FBXL13: variants seen among roughly 807,000 people sequenced by gnomAD.
The protein encoded by FBXL13 is F-box and leucine-rich repeat protein 13.
Under a neutral mutation model 83.6 loss-of-function variants are expected in FBXL13, and 67 were observed. The observed-to-expected ratio is 0.80, with a 90% CI of 0.66 to 0.98. The LOEUF (loss-of-function observed/expected upper bound fraction) is 0.98, where lower values mean the gene tolerates loss of function less well. Ranked by LOEUF, FBXL13 falls within the 50% of genes least tolerant of loss-of-function variation. The pLI is 0.00. For synonymous variants in FBXL13, 272 were observed against 299.5 expected (o/e 0.91, Z 0.95); for missense variants, 822 against 866.5 (o/e 0.95, Z 0.64).
At chr7:103,063,762 C>T (rs1161071016) in intron 1 of FBXL13, among the ~76,000 whole-genome samples, 2 of 144,804 alleles carry the variant, frequency 1.4e-5, no homozygotes, top group Admixed American at 7.0e-5. Context: ...ACTATGTTGC[C>T]CAGGCTAGTT....
At chr7:102,934,644 A>G (rs1337447951) in intron 8 of FBXL13, 2 of 1,605,740 alleles carry the variant, frequency 1.2e-6, no homozygotes, top group South Asian at 1.1e-5. Flanking sequence ...TTTTGCCACA[A>G]TTATGTGTTT....
chr7:102,822,032 A>G lies in FBXL13; in HGVS notation c.2018+8T>C, dbSNP rs1798869866. The G allele has an allele frequency of 1.2e-6, 2 of 1,613,952 alleles. No homozygotes were observed. The highest frequency in any genetic ancestry group is 2.2e-5 in the East Asian group (1 of 44,890). On this transcript the variant is annotated splice_region_variant and intron_variant, in intron 19 of 19. Transcript: ENST00000313221. Reference sequence around the variant, plus strand: ...TCAAAAGTTTGTCATAGTCAGGTACATACTTACTTGGAAATATTTGTGCAG... The same window carrying G: ...TCAAAAGTTTGTCATAGTCAGGTACGTACTTACTTGGAAATATTTGTGCAG...
At chr7:102,888,264 T>C (rs1026327086) in intron 11 of FBXL13, among the ~76,000 whole-genome samples, 2 of 152,098 alleles carry the variant, frequency 1.3e-5, no homozygotes, top group African/African-American at 4.8e-5. Flanking sequence ...CCAGGCTGGG[T>C]GCAGTGGCTC....
intron 6 of FBXL13, among the ~76,000 whole-genome samples, chr7:102,982,518 C>G (rs1828375830): frequency 6.6e-6 from 1 of 152,134 alleles, no homozygotes; most frequent in Non-Finnish European, 1.5e-5. Context: ...GGCCACTTCA[C>G]CATTCTGTCA....
intron 6 of FBXL13, among the ~76,000 whole-genome samples, chr7:103,012,942 G>T (rs1158064253): frequency 6.6e-6 from 1 of 152,206 alleles, no homozygotes; most frequent in Non-Finnish European, 1.5e-5. Flanking sequence ...TAAAGGGATG[G>T]AGAAAAATTT....
At chr7:102,991,431 G>A (rs1233073776) in intron 6 of FBXL13, among the ~76,000 whole-genome samples, 1 of 152,198 alleles carries the variant, frequency 6.6e-6, no homozygotes, top group East Asian at 1.9e-4. Flanking sequence ...GGGCAGGTGG[G>A]AGGTAGTGTC....
intron 11 of FBXL13, among the ~76,000 whole-genome samples, chr7:102,900,029 AG>A (rs1812770267): frequency 6.6e-6 from 1 of 152,226 alleles, no homozygotes; most frequent in Admixed American, 6.5e-5. Context: ...CCTGGGTGAC[AG>A]AGTGAGACTC....
At chr7:102,830,263 A>G (rs1800422125) in intron 18 of FBXL13, among the ~76,000 whole-genome samples, 2 of 152,196 alleles carry the variant, frequency 1.3e-5, no homozygotes. Flanking sequence ...TTTGCACTGG[A>G]GCCTTTTCTT....
chr7:103,055,662 C>CCA lies in FBXL13; in HGVS notation c.-21_-20dup, dbSNP rs1342589453. The CCA allele has an allele frequency of 2.6e-5, 33 of 1,274,252 alleles. No homozygotes were observed. The Admixed American group carries it at 7.3e-4, about 28-fold the overall frequency. 78.9% of individuals were successfully genotyped at this position (1,274,252 alleles called of 1,614,324 possible). A position where few individuals can be genotyped will look rare whatever the true frequency, so the allele number is the denominator to read the frequency against. ...TACTTACCAAAGAAGATTCTGAAGA[C>CCA]CACTTTTGATTATAACCATGATCAT... is the stretch of plus-strand genomic sequence containing the variant. On this transcript the variant is annotated 5_prime_UTR_variant, in exon 2 of 20. Coordinates refer to ENST00000313221, the Ensembl canonical transcript of FBXL13.
At chr7:102,909,846 G>C (rs1814362611) in intron 11 of FBXL13, among the ~76,000 whole-genome samples, 1 of 152,172 alleles carries the variant, frequency 6.6e-6, no homozygotes, top group Non-Finnish European at 1.5e-5. Context: ...GAGCTGTGAG[G>C]CTTGGGGCTG....
chr7:102,948,624 C>A lies in FBXL13; in HGVS notation c.724+14909G>T, dbSNP rs546587853. Among the ~76,000 whole-genome samples, 15 of 151,884 alleles carry A rather than the reference C, an allele frequency of 9.9e-5. 2 individuals carry two copies. Among genetic ancestry groups the A allele is most frequent in the Admixed American group, 7.9e-4 (12 of 15,232 alleles). On this transcript the variant is annotated intron_variant, in intron 8 of 19. Coordinates refer to ENST00000313221, the Ensembl canonical transcript of FBXL13. Reference sequence around the variant, plus strand: ...ATTTTTAGTAGAGATGGGGTTTCACCATGTTAGCCAGGATGATCTCGATCT... The same window carrying A: ...ATTTTTAGTAGAGATGGGGTTTCACAATGTTAGCCAGGATGATCTCGATCT...
chr7:102,834,969 T>C lies in FBXL13; in HGVS notation c.1720-1995A>G, dbSNP rs902423531. On this transcript the variant is annotated intron_variant, in intron 17 of 19. Coordinates refer to ENST00000313221, the Ensembl canonical transcript of FBXL13. ...AATATATACAATTTTTATTTGTCAG[T>C]TAAAAATTTTAAGCCATTAAAAAGA... 2.6e-5 allele frequency among the ~76,000 whole-genome samples: 4 copies of C among 151,684 alleles called. No individual in the cohort carries two copies. The East Asian group carries it at 7.8e-4, about 29-fold the overall frequency.
At chr7:102,932,056 T>C (rs1819285651) in intron 8 of FBXL13, 123 bp from the exon 10 acceptor site, 1 of 837,124 alleles carries the variant, frequency 1.2e-6, no homozygotes, top group Non-Finnish European at 1.8e-6. Context: ...GCAAGTAACA[T>C]GTTCTAAGTA....
chr7:102,934,234 GA>G, intron 8 of FBXL13: 1 of 1,614,206 alleles, frequency 6.2e-7, no homozygotes, highest in Non-Finnish European at 8.5e-7. Context: ...TTAAAAAGCT[GA>G]AAAGCCTGGA....
intron 6 of FBXL13, among the ~76,000 whole-genome samples, chr7:103,016,242 C>T (rs1423440805): frequency 6.7e-6 from 1 of 148,176 alleles, no homozygotes; most frequent in Non-Finnish European, 1.5e-5. Context: ...GGAGACATCA[C>T]ATTACCCAAC....
intron 8 of FBXL13, among the ~76,000 whole-genome samples, chr7:102,941,768 A>ATAG (rs1346128505): frequency 6.6e-6 from 1 of 152,174 alleles, no homozygotes; most frequent in African/African-American, 2.4e-5. Context: ...AAAGATTATA[A>ATAG]TAGTTATTAT....
chr7:102,813,164 A>AT (rs1797551306), downstream of FBXL13: 4 of 648,572 alleles, frequency 6.2e-6, no homozygotes, highest in Admixed American at 6.8e-5. Flanking sequence ...AATCATGATT[A>AT]TTTAGACAGA....
At chr7:102,985,952 A>G (rs1026541286) in intron 6 of FBXL13, among the ~76,000 whole-genome samples, 6 of 152,120 alleles carry the variant, frequency 3.9e-5, no homozygotes, top group Non-Finnish European at 5.9e-5. Flanking sequence ...ATGTGTGAAC[A>G]GTGCCTAGAA....
rs549847592 is a variant in FBXL13, at chr7:103,024,755, A to G, written c.495+308T>C. Among the ~76,000 whole-genome samples, 5 of 148,426 alleles carry G rather than the reference A, an allele frequency of 3.4e-5. No homozygotes were observed. In the East Asian group the frequency reaches 9.8e-4, roughly 29 times the overall value. On this transcript the variant is annotated intron_variant, in intron 6 of 19. Transcript: ENST00000313221. ...GTAAAGGAAGAAATAATGGGCAAAAATATCCTTATTCTAACTGAATGCAAT... is the reference window on the plus strand; with the variant it reads ...GTAAAGGAAGAAATAATGGGCAAAAGTATCCTTATTCTAACTGAATGCAAT...
Sources: gnomAD v4.1 joint callset for allele counts (sites outside exome capture counted in the v4.1 genomes callset) on GRCh38, gnomAD v4.1.1 for gene constraint, MANE v1.5 for transcripts, NCBI Gene and HGNC (gene_info 2026-07-23, HGNC 2026-07-21) for gene names.